Variants in STMN3 observed in about 807,000 individuals in gnomAD.
STMN3 encodes stathmin 3.
A neutral mutation model predicts 23.2 loss-of-function variants in STMN3; 24 were observed. The ratio of observed to expected loss-of-function variants is 1.03; its 90% CI spans 0.75 to 1.45. The LOEUF is 1.45. Ranked by LOEUF, STMN3 falls within the 40% of genes most tolerant of loss-of-function variation. The probability of loss-of-function intolerance (pLI) is 0.00; values close to 1 mark genes in which losing one functional copy is unlikely to be tolerated. For missense variants in STMN3, 235 were observed against 237.6 expected (o/e 0.99, Z 0.07); for synonymous variants, 117 against 103.4 (o/e 1.13, Z -0.80).
In STMN3 at chr20:63,652,905, C is replaced by T. The variant is rs1177729501; in HGVS notation, c.19+422G>A. 1 of 568,458 alleles carries T rather than the reference C, an allele frequency of 1.8e-6. No homozygotes were observed. The allele number at this position is 568,458 out of a possible 1,614,324, so 35.2% of individuals were successfully genotyped here. On this transcript the variant is annotated intron_variant, in intron 1 of 4. Coordinates refer to ENST00000370053, the MANE Select transcript of STMN3 (RefSeq NM_015894.4). The surrounding 1 kb of genome is among the most constrained non-coding windows in gnomAD (Gnocchi z 5.3). ...CGGCTGGGGCTTTGGCAGAGGGTCC[C>T]ACCCTCTCCCCGCCTCCCCACGAAG...
intron 1 of STMN3, among the ~76,000 whole-genome samples, chr20:63,644,818 CCCGTCTATGTA>C (rs1294000714): frequency 6.6e-6 from 1 of 152,206 alleles, no homozygotes; most frequent in Non-Finnish European, 1.5e-5. Context: ...GAAGACGCCA[CCCGTCTATGTA>C]CCAGGAGGCG....
chr20:63,652,672 C>T lies in STMN3; in HGVS notation c.19+655G>A, dbSNP rs1392546947. ...TTGGGGATCGCAGTCGCCCCTCCCCCATCCAGACCCCGCGGCGCAAAGGGC... is the reference window on the plus strand; with the variant it reads ...TTGGGGATCGCAGTCGCCCCTCCCCTATCCAGACCCCGCGGCGCAAAGGGC... On this transcript the variant is annotated intron_variant, in intron 1 of 4. Coordinates refer to ENST00000370053, the MANE Select transcript of STMN3 (RefSeq NM_015894.4). This position sits in a 1 kb window ranked among gnomAD's most constrained non-coding sequence, Gnocchi z 5.3. 1.0e-6 allele frequency: 1 copy of T among 985,680 alleles called. No homozygotes were observed. The highest frequency in any genetic ancestry group is 1.7e-5 in the African/African-American group (1 of 57,266). 61.1% of individuals were successfully genotyped at this position (985,680 alleles called of 1,614,324 possible). A position where few individuals can be genotyped will look rare whatever the true frequency, so the allele number is the denominator to read the frequency against.
At chr20:63,642,394 G>T in intron 3 of STMN3, 95 bp from the exon 4 acceptor site, 2 of 894,026 alleles carry the variant, frequency 2.2e-6, no homozygotes, top group Non-Finnish European at 3.0e-6. Context: ...GCGCCCGCTC[G>T]CCTCACCTGG....
At chr20:63,649,827 G>GA (rs2089843641) in intron 1 of STMN3, among the ~76,000 whole-genome samples, 1 of 136,984 alleles carries the variant, frequency 7.3e-6, no homozygotes, top group Admixed American at 7.3e-5. Flanking sequence ...ACCGCGCCTG[G>GA]ACTTTTTTTT....
chr20:63,650,347 T>C (rs1214011753), intron 1 of STMN3, among the ~76,000 whole-genome samples: 2 of 152,206 alleles, frequency 1.3e-5, no homozygotes, highest in Non-Finnish European at 2.9e-5. Context: ...CTTTGGATGA[T>C]TCATGAGCAG....
chr20:63,647,878 ATATT>A (rs1253371954), intron 1 of STMN3, among the ~76,000 whole-genome samples: 1 of 122,042 alleles, frequency 8.2e-6, no homozygotes, highest in Non-Finnish European at 1.8e-5. Flanking sequence ...ACACGTGTAT[ATATT>A]AATATATATA....
chr20:63,647,169 G>A (rs902399926), intron 1 of STMN3, among the ~76,000 whole-genome samples: 2 of 151,022 alleles, frequency 1.3e-5, no homozygotes, highest in East Asian at 2.0e-4. Flanking sequence ...TCAGCCAGGC[G>A]TGGTGGCGGG....
At position 63,652,813 on chromosome 20, in the gene STMN3, C is replaced by G. The variant is rs1373587916; in HGVS notation, c.19+514G>C. 2.0e-6 allele frequency: 2 copies of G among 981,362 alleles called. No individual in the cohort carries two copies. The highest frequency in any genetic ancestry group is 5.3e-4 in the Middle Eastern group (1 of 1,904). 60.8% of individuals were successfully genotyped at this position (981,362 alleles called of 1,614,324 possible). On this transcript the variant is annotated intron_variant, in intron 1 of 4. Coordinates refer to ENST00000370053, the MANE Select transcript of STMN3 (RefSeq NM_015894.4). This position sits in a 1 kb window ranked among gnomAD's most constrained non-coding sequence, Gnocchi z 5.3. Reference sequence around the variant, plus strand: ...TCACTCCGGGCTCCGCCGTGTCTGGCCCGCCCCCCTCCTTCAGCGCCCCCT... The same window carrying G: ...TCACTCCGGGCTCCGCCGTGTCTGGGCCGCCCCCCTCCTTCAGCGCCCCCT...
intron 1 of STMN3, among the ~76,000 whole-genome samples, chr20:63,646,723 C>T (rs991194353): frequency 5.9e-5 from 9 of 151,940 alleles, no homozygotes; most frequent in African/African-American, 1.9e-4. Flanking sequence ...CTGTGCGGTT[C>T]ACTGCAGCCT....
chr20:63,642,499 C>A (rs2089777125), intron 3 of STMN3, among the ~76,000 whole-genome samples, 200 bp from the exon 4 acceptor site: 1 of 151,906 alleles, frequency 6.6e-6, no homozygotes, highest in Admixed American at 6.6e-5. Flanking sequence ...CGGGGCAGGG[C>A]CAGGGGGTCG....
In STMN3 at chr20:63,642,138, C is replaced by G. The variant is rs2089773619; in HGVS notation, c.453G>C (p.Leu151=). ...ELSKEIREAH[L]AALRERLREK... is the part of the protein sequence containing the mutation. ...CGCGCAGCCGCTCGCGCAGTGCGGC[C>G]AGGTGTGCCTCGCGGATCTCCTTGC... Residue 151 remains leucine (L), a synonymous_variant, in exon 4 of 5, where the codon CTG becomes CTC. Coordinates refer to ENST00000370053, the MANE Select transcript of STMN3 (RefSeq NM_015894.4). 6.5e-7 allele frequency: 1 copy of G among 1,544,110 alleles called. No individual in the cohort carries two copies. The highest frequency in any genetic ancestry group is 8.7e-7 in the Non-Finnish European group (1 of 1,148,910).
chr20:63,644,169 TG>T, intron 2 of STMN3, 44 bp downstream of exon 2: 1 of 1,547,780 alleles, frequency 6.5e-7, no homozygotes, highest in Non-Finnish European at 8.9e-7. Context: ...AAAGGTGAGG[TG>T]GGCAGGCACC....
At position 63,652,521 on chromosome 20, in the gene STMN3, C is replaced by T. The variant is rs1038524739; in HGVS notation, c.19+806G>A. On this transcript the variant is annotated intron_variant, in intron 1 of 4. Coordinates refer to ENST00000370053, the MANE Select transcript of STMN3 (RefSeq NM_015894.4). This position sits in a 1 kb window ranked among gnomAD's most constrained non-coding sequence, Gnocchi z 5.3. The stretch of plus-strand genomic sequence containing the variant: ...CCCCCCGCCCGGGCCTGCGCCCGCC[C>T]CTCCGCCTGAGCTCCGCGCGGGACG... 170 of 964,646 alleles carry T rather than the reference C, an allele frequency of 1.8e-4. No individual in the cohort carries two copies. The highest frequency in any genetic ancestry group is 1.6e-4 in the Non-Finnish European group (126 of 811,162). 59.8% of individuals were successfully genotyped at this position (964,646 alleles called of 1,614,324 possible). A position where few individuals can be genotyped will look rare whatever the true frequency, so the allele number is the denominator to read the frequency against.
intron 1 of STMN3, among the ~76,000 whole-genome samples, chr20:63,645,594 G>T (rs541620075): frequency 6.6e-6 from 1 of 152,184 alleles, no homozygotes; most frequent in Admixed American, 6.5e-5. Context: ...TAGCTCTTTT[G>T]GTCTATTCAG....
chr20:63,649,696 A>G (rs1281228174), intron 1 of STMN3, among the ~76,000 whole-genome samples: 1 of 151,762 alleles, frequency 6.6e-6, no homozygotes, highest in African/African-American at 2.4e-5. Context: ...ACGCCCAGCT[A>G]ATTTTTTGTA....
chr20:63,652,639 C>T lies in STMN3; in HGVS notation c.19+688G>A, dbSNP rs568688106. ...GGGAGGGGCGGAGCCCTCTGGTCTC[C>T]GGAGGGTTTGGGGATCGCAGTCGCC... is the stretch of plus-strand genomic sequence containing the variant. On this transcript the variant is annotated intron_variant, in intron 1 of 4. Transcript: ENST00000370053. The surrounding 1 kb of genome is among the most constrained non-coding windows in gnomAD (Gnocchi z 5.3). 2.0e-6 allele frequency: 2 copies of T among 985,514 alleles called. No individual in the cohort carries two copies. The highest frequency in any genetic ancestry group is 3.5e-5 in the African/African-American group (2 of 57,372). The allele number at this position is 985,514 out of a possible 1,614,324, so 61.0% of individuals were successfully genotyped here.
At chr20:63,653,269 A>G in intron 1 of STMN3, 58 bp downstream of exon 1, 3 of 1,527,552 alleles carry the variant, frequency 2.0e-6, no homozygotes, top group East Asian at 5.2e-5. Flanking sequence ...AGGCGAGGCC[A>G]GACGAGGCCT....
At chr20:63,641,810 G>C (rs1601053612) in intron 4 of STMN3, among the ~76,000 whole-genome samples, 1 of 133,698 alleles carries the variant, frequency 7.5e-6, no homozygotes, top group East Asian at 2.3e-4. Flanking sequence ...GGAGTCCCCG[G>C]CCCCGCTCTG....
chr20:63,650,110 G>A (rs2089845852), intron 1 of STMN3, among the ~76,000 whole-genome samples: 2 of 87,240 alleles, frequency 2.3e-5, no homozygotes, highest in South Asian at 4.5e-4. Flanking sequence ...TGACAGGCGT[G>A]AGCCCCCGCG....
Sources: gnomAD v4.1 joint callset for allele counts (sites outside exome capture counted in the v4.1 genomes callset) on GRCh38, gnomAD v4.1.1 for gene constraint, Gnocchi (gnomAD v3.1) non-coding constraint, MANE v1.5 for transcripts, NCBI Gene and HGNC (gene_info 2026-07-23, HGNC 2026-07-21) for gene names.